FAM174A: variants seen among roughly 807,000 people sequenced by gnomAD.
The protein encoded by FAM174A is family with sequence similarity 174 member A, also known as membrane protein FAM174A.
FAM174A carries 14 observed loss-of-function variants against 14.3 expected under a neutral mutation model. That is an observed-to-expected ratio of 0.98 (90% CI 0.65 to 1.53). The LOEUF (loss-of-function observed/expected upper bound fraction) is 1.53, where lower values mean the gene tolerates loss of function less well. Ranked by LOEUF, FAM174A falls within the 40% of genes most tolerant of loss-of-function variation. The pLI is 0.00. For missense variants in FAM174A, 241 were observed against 249.6 expected (o/e 0.97, Z 0.23); for synonymous variants, 108 against 111.4 (o/e 0.97, Z 0.19).
chr5:100,535,968 A>G lies in FAM174A; in HGVS notation c.434+4A>G. On this transcript the variant is annotated splice_donor_region_variant and intron_variant, in intron 1 of 2. Coordinates refer to ENST00000312637, the MANE Select transcript of FAM174A (RefSeq NM_198507.3). The stretch of plus-strand genomic sequence containing the variant: ...ACTTCGTGGTCAGGACGGTCAGGTG[A>G]GGCAAAGCCTCGGTGGGGCACCCCC... 6.4e-7 allele frequency: 1 copy of G among 1,562,608 alleles called. No individual in the cohort carries two copies.
At chr5:100,571,164 G>A (rs379967) in intron 2 of FAM174A, among the ~76,000 whole-genome samples, 85,809 of 150,828 alleles carry the variant, frequency 0.57, 26,774 homozygotes, top group African/African-American at 0.82. Flanking sequence ...ATATATATAT[G>A]TGTGTGTGTG....
At chr5:100,577,130 A>G (rs1000237582) in intron 2 of FAM174A, among the ~76,000 whole-genome samples, 2 of 152,146 alleles carry the variant, frequency 1.3e-5, no homozygotes, top group African/African-American at 4.8e-5. Context: ...CCCTGATTTG[A>G]TTATTACACA....
chr5:100,572,558 A>G lies in FAM174A; in HGVS notation c.569+10370A>G, dbSNP rs571063520. Among the ~76,000 whole-genome samples, 324 of 151,978 alleles carry G rather than the reference A, an allele frequency of 2.1e-3. 1 individual carries two copies. Among genetic ancestry groups the G allele is most frequent in the Non-Finnish European group, 3.6e-3 (243 of 68,004 alleles). ...AGAATGATGATTTCCAATTTCATTC[A>G]TGTCCCTACAAAGGACATGAACTCA... is the stretch of plus-strand genomic sequence containing the variant. On this transcript the variant is annotated intron_variant, in intron 2 of 2. Coordinates refer to ENST00000312637, the MANE Select transcript of FAM174A (RefSeq NM_198507.3).
intron 1 of FAM174A, among the ~76,000 whole-genome samples, chr5:100,557,163 A>G (rs370570844): frequency 6.6e-6 from 1 of 152,276 alleles, no homozygotes; most frequent in East Asian, 1.9e-4. Context: ...GCGTTGTTGA[A>G]TTTTGTCAAA....
chr5:100,552,073 A>C (rs1448141954), intron 1 of FAM174A, among the ~76,000 whole-genome samples: 1 of 152,200 alleles, frequency 6.6e-6, no homozygotes, highest in Non-Finnish European at 1.5e-5. Context: ...GGAAGTGACA[A>C]CTGATGGATT....
intron 2 of FAM174A, among the ~76,000 whole-genome samples, chr5:100,579,388 G>T (rs1292069978): frequency 6.6e-6 from 1 of 151,896 alleles, no homozygotes; most frequent in Non-Finnish European, 1.5e-5. Flanking sequence ...AGAAAGAAAA[G>T]AAATAGCTGT....
chr5:100,538,401 G>C (rs1310543179), intron 1 of FAM174A, among the ~76,000 whole-genome samples: 2 of 151,768 alleles, frequency 1.3e-5, no homozygotes, highest in African/African-American at 4.8e-5. Flanking sequence ...AAATAGTTTT[G>C]TTTTTATCTA....
At chr5:100,537,661 T>C (rs1047752569) in intron 1 of FAM174A, among the ~76,000 whole-genome samples, 4 of 152,128 alleles carry the variant, frequency 2.6e-5, no homozygotes, top group African/African-American at 9.7e-5. Context: ...ACACTCTAAG[T>C]GTTAAAAGCA....
Position 100,565,448 on chromosome 5 carries a change from CA to C in FAM174A, c.569+3264del, listed in dbSNP as rs202134371. Among the ~76,000 whole-genome samples the C allele has an allele frequency of 7.2e-3, 1,097 of 151,584 alleles. 18 individuals are homozygous for C. Among genetic ancestry groups the C allele is most frequent in the African/African-American group, 0.026 (1,057 of 41,402 alleles). ...ATACATATATATATGAGTTAATATC[CA>C]AAATTTATAAGGAGTGCATGTAAGT... is the stretch of plus-strand genomic sequence containing the variant. On this transcript the variant is annotated intron_variant, in intron 2 of 2. Coordinates refer to ENST00000312637, the MANE Select transcript of FAM174A (RefSeq NM_198507.3).
chr5:100,571,492 G>A (rs1009238109), intron 2 of FAM174A, among the ~76,000 whole-genome samples: 15 of 150,564 alleles, frequency 1.0e-4, no homozygotes, highest in Admixed American at 2.7e-4. Context: ...GGTGAATTAT[G>A]TGCGTAATTT....
intron 2 of FAM174A, among the ~76,000 whole-genome samples, chr5:100,570,958 T>C (rs1009554747): frequency 6.6e-6 from 1 of 151,932 alleles, no homozygotes; most frequent in Non-Finnish European, 1.5e-5. Context: ...GTTTTTTTCC[T>C]TTCTGTAAAT....
At chr5:100,581,149 C>T (rs1309480201) in intron 2 of FAM174A, among the ~76,000 whole-genome samples, 11 of 152,106 alleles carry the variant, frequency 7.2e-5, no homozygotes, top group Middle Eastern at 3.4e-3. Context: ...AGGCTGGTCT[C>T]GAACTCCTGA....
At chr5:100,539,760 A>T (rs1304978414) in intron 1 of FAM174A, among the ~76,000 whole-genome samples, 2 of 152,218 alleles carry the variant, frequency 1.3e-5, no homozygotes, top group Non-Finnish European at 2.9e-5. Context: ...GATCATTTAA[A>T]GTAACCAATT....
rs182621559 is a variant in FAM174A at position 100,555,783 on chromosome 5, T to C, written c.435-6271T>C. On this transcript the variant is annotated intron_variant, in intron 1 of 2. Coordinates refer to ENST00000312637, the MANE Select transcript of FAM174A (RefSeq NM_198507.3). ...GCCCAGTTTTTGATGGGGTTGTTTT[T>C]TTCTTTGAGTTTTCTTTGAGTTTTT... is the stretch of plus-strand genomic sequence containing the variant. Among the ~76,000 whole-genome samples, 450 of 152,248 alleles carry C rather than the reference T, an allele frequency of 3.0e-3. 1 individual carries two copies. Among genetic ancestry groups the C allele is most frequent in the Non-Finnish European group, 5.4e-3 (369 of 68,020 alleles).
chr5:100,540,899 G>A (rs17447340), intron 1 of FAM174A, among the ~76,000 whole-genome samples: 2,141 of 152,242 alleles, frequency 0.014, 91 homozygotes, highest in Admixed American at 0.09. Context: ...ATATCTATAC[G>A]GGGTAAATGT....
chr5:100,549,513 T>G (rs1161202185), intron 1 of FAM174A, among the ~76,000 whole-genome samples: 1 of 152,066 alleles, frequency 6.6e-6, no homozygotes, highest in Non-Finnish European at 1.5e-5. Flanking sequence ...AGGAAGTGAT[T>G]GTATGTACTG....
At chr5:100,540,362 G>C (rs188358814) in intron 1 of FAM174A, among the ~76,000 whole-genome samples, 22 of 152,142 alleles carry the variant, frequency 1.4e-4, no homozygotes, top group Non-Finnish European at 2.6e-4. Flanking sequence ...TCTGTGATGA[G>C]GGTTAGTAGT....
rs903445599 is a variant in FAM174A at position 100,554,667 on chromosome 5, G to C, written c.435-7387G>C. Reference sequence around the variant, plus strand: ...CATTTATTATTTCTTTTCTTTGTTTGCTAATTACTTTCATAAGTCTAAATC... The same window carrying C: ...CATTTATTATTTCTTTTCTTTGTTTCCTAATTACTTTCATAAGTCTAAATC... On this transcript the variant is annotated intron_variant, in intron 1 of 2. Transcript: ENST00000312637. Among the ~76,000 whole-genome samples the C allele has an allele frequency of 3.3e-5, 5 of 151,898 alleles. No homozygotes were observed. In the South Asian group the frequency reaches 6.2e-4, roughly 19 times the overall value.
intron 1 of FAM174A, among the ~76,000 whole-genome samples, chr5:100,541,724 G>C (rs1421822486): frequency 6.6e-6 from 1 of 152,016 alleles, no homozygotes; most frequent in African/African-American, 2.4e-5. Flanking sequence ...CCATTTCCAT[G>C]CCTTTCATTC....
Sources: gnomAD v4.1 joint callset for allele counts (sites outside exome capture counted in the v4.1 genomes callset) on GRCh38, gnomAD v4.1.1 for gene constraint, MANE v1.5 for transcripts, NCBI Gene and HGNC (gene_info 2026-07-23, HGNC 2026-07-21) for gene names.